TRMT11: variants seen among roughly 807,000 people sequenced by gnomAD.
The protein encoded by TRMT11 is tRNA methyltransferase 11.
In TRMT11, 53 loss-of-function variants were observed where a neutral mutation model predicts 62.8. That is an observed-to-expected ratio of 0.84 (90% confidence interval 0.68 to 1.06). The LOEUF is 1.06. TRMT11 is among the 50% of genes least tolerant of loss of function. The pLI is 0.00. For synonymous variants in TRMT11, 188 were observed against 190.3 expected (o/e 0.99, Z 0.10); for missense variants, 556 against 553.4 (o/e 1.00, Z -0.05).
chr6:126,146,264 T>G (rs1417141034), intron 21 of TRMT11, among the ~76,000 whole-genome samples: 1 of 152,186 alleles, frequency 6.6e-6, no homozygotes, highest in East Asian at 1.9e-4. Context: ...ATTTGGAAAT[T>G]TCCCACCTTT....
At chr6:126,191,216 CTTG>C (rs1373598493) in intron 1 of TRMT11, among the ~76,000 whole-genome samples, 42 of 152,030 alleles carry the variant, frequency 2.8e-4, no homozygotes, top group Non-Finnish European at 1.2e-4. Flanking sequence ...TTTTCATATA[CTTG>C]TTGGCCATTT....
intron 17 of TRMT11, among the ~76,000 whole-genome samples, chr6:126,068,787 G>T (rs1776761694): frequency 6.6e-6 from 1 of 152,118 alleles, no homozygotes; most frequent in Non-Finnish European, 1.5e-5. Flanking sequence ...AAATATGTTT[G>T]AATTTTGACT....
chr6:125,998,283 T>C lies in TRMT11; in HGVS notation c.355T>C (p.Leu119=). The C allele has an allele frequency of 6.2e-7, 1 of 1,601,732 alleles. No homozygotes were observed. The highest frequency in any genetic ancestry group is 8.5e-7 in the Non-Finnish European group (1 of 1,169,736). The change falls in exon 5 of 13, where the codon TTG becomes CTG. Residue 119 remains leucine, a synonymous_variant. Transcript: ENST00000334379. ...KIKIHTFNKT[L]TQEEKIKRID... is the part of the protein sequence containing the mutation. ...AAAGATTCACACTTTTAATAAGACA[T>C]TGACACAAGAAGAGAAAATCAAGCG... is the stretch of plus-strand genomic sequence containing the variant.
At chr6:126,255,779 A>G in the TRMT11 span, among the ~76,000 whole-genome samples, 1 of 152,204 alleles carries the variant, frequency 6.6e-6, no homozygotes, top group African/African-American at 2.4e-5. Context: ...TCAAAATAAT[A>G]TACTACTACA....
intron 9 of TRMT11, among the ~76,000 whole-genome samples, chr6:126,011,756 A>G (rs1583703959): frequency 6.6e-6 from 1 of 152,250 alleles, no homozygotes; most frequent in East Asian, 1.9e-4. Flanking sequence ...TTATTATACC[A>G]ACTGGAGCTC....
intron 17 of TRMT11, among the ~76,000 whole-genome samples, chr6:126,057,032 C>G (rs967363364): frequency 2.0e-5 from 3 of 152,154 alleles, no homozygotes; most frequent in Non-Finnish European, 4.4e-5. Flanking sequence ...ATCAAAGGAA[C>G]CCTAAGCCTA....
intron 17 of TRMT11, among the ~76,000 whole-genome samples, chr6:126,062,425 AT>A (rs1331085007): frequency 1.3e-5 from 2 of 152,202 alleles, no homozygotes; most frequent in African/African-American, 4.8e-5. Flanking sequence ...TGTAATATGT[AT>A]ATATCTGTGA....
the TRMT11 span, chr6:126,258,422 G>C: frequency 3.0e-6 from 1 of 333,336 alleles, no homozygotes; most frequent in Non-Finnish European, 5.9e-6. Flanking sequence ...TGGCTGGCCC[G>C]GGTTAGCCTG....
At chr6:126,100,138 T>C (rs1583874710) in intron 17 of TRMT11, among the ~76,000 whole-genome samples, 1 of 152,270 alleles carries the variant, frequency 6.6e-6, no homozygotes, top group South Asian at 2.1e-4. Flanking sequence ...TCTCCTAGGG[T>C]TCTCAGGAGA....
exon 18 of TRMT11, among the ~76,000 whole-genome samples, chr6:126,112,886 T>C (rs1213248558): frequency 6.6e-6 from 1 of 152,066 alleles, no homozygotes; most frequent in Non-Finnish European, 1.5e-5. Context: ...CCAAGTCTCC[T>C]TGAATCAGTT....
chr6:126,098,130 C>T (rs1777359596), intron 17 of TRMT11, among the ~76,000 whole-genome samples: 2 of 152,148 alleles, frequency 1.3e-5, no homozygotes, highest in South Asian at 2.1e-4. Context: ...TGCTTTCCTC[C>T]TCCCTGCCTT....
intron 11 of TRMT11, 92 bp from the exon 12 acceptor site, chr6:126,021,068 G>T (rs1795736946): frequency 7.0e-7 from 1 of 1,433,582 alleles, no homozygotes; most frequent in Admixed American, 1.9e-5. Context: ...GCATGTAGTG[G>T]AAGAACATCC....
intron 2 of TRMT11, among the ~76,000 whole-genome samples, chr6:125,995,052 G>A (rs970003115): frequency 1.3e-5 from 2 of 152,168 alleles, no homozygotes; most frequent in African/African-American, 4.8e-5. Context: ...CCTAGGCGAT[G>A]GGTTGATCTG....
At chr6:126,102,978 T>C (rs1777419471) in intron 17 of TRMT11, among the ~76,000 whole-genome samples, 1 of 152,214 alleles carries the variant, frequency 6.6e-6, no homozygotes, top group South Asian at 2.1e-4. Context: ...CCATAGAGAA[T>C]GGCATTTTCA....
the TRMT11 span, among the ~76,000 whole-genome samples, chr6:126,211,714 A>G: frequency 3.3e-5 from 5 of 152,038 alleles, no homozygotes; most frequent in African/African-American, 1.2e-4. Context: ...CAGGCATATA[A>G]TATGTAATAA....
intron 3 of TRMT11, among the ~76,000 whole-genome samples, chr6:126,200,426 A>G (rs1778721588): frequency 6.6e-6 from 1 of 152,242 alleles, no homozygotes; most frequent in Non-Finnish European, 1.5e-5. Flanking sequence ...CAAAGTCAGA[A>G]GTTAAAAATA....
intron 18 of TRMT11, among the ~76,000 whole-genome samples, chr6:126,113,893 T>G (rs1319416162): frequency 6.6e-6 from 1 of 152,098 alleles, no homozygotes; most frequent in African/African-American, 2.4e-5. Flanking sequence ...TCAGTTGGTC[T>G]AGGGTCTTCA....
chr6:126,023,941 T>C (rs768845864), intron 12 of TRMT11, among the ~76,000 whole-genome samples: 1 of 152,178 alleles, frequency 6.6e-6, no homozygotes, highest in Non-Finnish European at 1.5e-5. Flanking sequence ...AGTTAATGCT[T>C]TAGAAAGAAC....
chr6:126,225,296 G>A, the TRMT11 span, among the ~76,000 whole-genome samples: 1 of 152,120 alleles, frequency 6.6e-6, no homozygotes, highest in African/African-American at 2.4e-5. Flanking sequence ...CCTGCAGCTA[G>A]GATCCTGGAG....
Sources: gnomAD v4.1 joint callset for allele counts (sites outside exome capture counted in the v4.1 genomes callset) on GRCh38, gnomAD v4.1.1 for gene constraint, MANE v1.5 for transcripts, NCBI Gene and HGNC (gene_info 2026-07-23, HGNC 2026-07-21) for gene names.